The following GON4L variants were observed in gnomAD, a reference collection of about 807,000 sequenced individuals.
GON4L encodes GON-4-like protein.
Under a neutral mutation model 211.8 loss-of-function variants are expected in GON4L, and 87 were observed. That is an observed-to-expected ratio of 0.41 (90% CI 0.35 to 0.49). GON4L has a LOEUF of 0.49. GON4L is among the 20% of genes least tolerant of loss of function. The probability of loss-of-function intolerance (pLI) is 0.15; values close to 1 mark genes in which losing one functional copy is unlikely to be tolerated. For synonymous variants in GON4L, 875 were observed against 962.6 expected (o/e 0.91, Z 1.68); for missense variants, 2,155 against 2,659.5 (o/e 0.81, Z 4.17).
At chr1:155,828,807 C>CA (rs34551835) in intron 2 of GON4L, among the ~76,000 whole-genome samples, 27,059 of 72,366 alleles carry the variant, frequency 0.37, 4,484 homozygotes, top group East Asian at 0.67. Context: ...GACTCTGTCT[C>CA]AAAAAAAAAA....
At chr1:155,790,319 C>T (rs964508735) in intron 12 of GON4L, among the ~76,000 whole-genome samples, 7 of 151,700 alleles carry the variant, frequency 4.6e-5, no homozygotes, top group African/African-American at 1.5e-4. Flanking sequence ...AGGCTGGTCT[C>T]GAACTCCTGA....
At chr1:155,753,996 T>G in intron 28 of GON4L, 1 of 341,806 alleles carries the variant, frequency 2.9e-6, no homozygotes. Flanking sequence ...CCGAATAGAG[T>G]ATTGGATTCC....
At chr1:155,757,406 G>T in intron 25 of GON4L, 83 bp from the exon 26 acceptor site, 1 of 1,231,462 alleles carries the variant, frequency 8.1e-7, no homozygotes, top group Non-Finnish European at 1.2e-6. Flanking sequence ...ATACTTCCAT[G>T]TTCTGCTTTC....
rs746813428 is a variant in GON4L at position 155,765,649 on chromosome 1, T to A, written c.3824A>T (p.Asp1275Val). The change falls in exon 21 of 32, where the codon GAT becomes GTT. Residue 1275 changes from aspartate to valine, a missense_variant. Physicochemically the swap from Asp to Val is radical, Grantham distance 152. Around this residue, in one of 6 missense-constraint regions of GON4L, gnomAD observed 615 missense variants for 625.7 expected, o/e 0.98. Transcript: ENST00000368331. ...TGACAATCCTTCTTGGCACTCTGCA[T>A]CTGCTAGTGGAGGCCCTGGGCTATG... ...VEHSPGPPLA[D>V]AECQEGLSEN... 3.7e-6 allele frequency: 6 copies of A among 1,614,106 alleles called. No individual in the cohort carries two copies. In the African/African-American group the frequency reaches 5.3e-5, roughly 14 times the overall value.
At chr1:155,845,237 G>A (rs887995073) in intron 2 of GON4L, 6 of 170,052 alleles carry the variant, frequency 3.5e-5, no homozygotes, top group African/African-American at 1.4e-4. Flanking sequence ...GCCAAAACCA[G>A]TTACAACCAA....
chr1:155,746,547 C>A, downstream of GON4L: 1 of 436,828 alleles, frequency 2.3e-6, no homozygotes, highest in Non-Finnish European at 3.9e-6. Context: ...GTCAGGTGAT[C>A]AGAGGAAGGT....
chr1:155,813,638 A>G lies in GON4L; in HGVS notation c.1448T>C (p.Phe483Ser). Reference sequence around the variant, plus strand: ...AAGTACAGTTTTAATATTTACCTGGAAAGAATCCATGCAGACTGGACTGGA... The same window carrying G: ...AAGTACAGTTTTAATATTTACCTGGGAAGAATCCATGCAGACTGGACTGGA... ...LASSPVCMDS[F>S]QPMDDSLIAF... Residue 483 changes from phenylalanine (F) to serine (S), a missense_variant, in exon 10 of 32, where the codon TTC (phenylalanine) becomes TCC (serine). Phe to Ser is a radical substitution (Grantham distance 155). Transcript: ENST00000368331. 1.2e-6 allele frequency: 2 copies of G among 1,609,460 alleles called. No homozygotes were observed. Among genetic ancestry groups the G allele is most frequent in the Non-Finnish European group, 1.7e-6 (2 of 1,175,700 alleles).
intron 2 of GON4L, among the ~76,000 whole-genome samples, chr1:155,833,301 T>C (rs1669966772): frequency 1.3e-5 from 2 of 152,014 alleles, no homozygotes; most frequent in Non-Finnish European, 2.9e-5. Context: ...TGAAAAAATA[T>C]GCAATAATCT....
chr1:155,813,607 T>C (rs752154002), intron 10 of GON4L, 27 bp downstream of exon 10: 3 of 1,554,184 alleles, frequency 1.9e-6, no homozygotes, highest in South Asian at 2.2e-5. Flanking sequence ...CTTGACTTTC[T>C]CAGTTAAGTA....
At chr1:155,771,283 T>C in intron 18 of GON4L, 66 bp from the exon 19 acceptor site, 1 of 1,599,120 alleles carries the variant, frequency 6.3e-7, no homozygotes, top group Non-Finnish European at 8.6e-7. Flanking sequence ...CTCCCCAGAC[T>C]AACACATTTT....
intron 3 of GON4L, among the ~76,000 whole-genome samples, chr1:155,825,420 A>G (rs976204860): frequency 6.6e-6 from 1 of 151,028 alleles, no homozygotes; most frequent in Non-Finnish European, 1.5e-5. Flanking sequence ...TAAAAATAAA[A>G]AAACTAGCCC....
chr1:155,805,221 C>CT, intron 10 of GON4L, 80 bp from the exon 11 acceptor site: 1 of 938,462 alleles, frequency 1.1e-6, no homozygotes, highest in Non-Finnish European at 1.8e-6. Context: ...CTCATCTTAG[C>CT]TTAAGTAACA....
intron 2 of GON4L, among the ~76,000 whole-genome samples, chr1:155,844,214 G>A (rs1275996419): frequency 1.3e-5 from 2 of 152,204 alleles, no homozygotes; most frequent in South Asian, 2.1e-4. Flanking sequence ...ACCAACACTA[G>A]TCAGACATTA....
rs746795684 is a variant in GON4L, at chr1:155,757,246, C to T, written c.5331G>A (p.Leu1777=). 1.2e-6 allele frequency: 2 copies of T among 1,613,912 alleles called. No homozygotes were observed. The highest frequency in any genetic ancestry group is 1.7e-6 in the Non-Finnish European group (2 of 1,179,872). Residue 1777 remains leucine (L), a synonymous_variant, in exon 26 of 32, where the codon TTG becomes TTA. Transcript: ENST00000368331. ...CACCCATCCGGCTAGCTGCTGGGCGCAAGTGGTCAAAGAAGATAGAAAACT... is the reference window on the plus strand; with the variant it reads ...CACCCATCCGGCTAGCTGCTGGGCGTAAGTGGTCAAAGAAGATAGAAAACT... The part of the protein sequence containing the change: ...QDEFSIFFDH[L]RPAASRMGDF...
Position 155,760,477 on chromosome 1 carries a change from G to A in GON4L, c.5076C>T (p.Phe1692=). The A allele has an allele frequency of 1.9e-6, 3 of 1,612,238 alleles. No individual in the cohort carries two copies. Among genetic ancestry groups the A allele is most frequent in the Non-Finnish European group, 2.5e-6 (3 of 1,178,488 alleles). Residue 1692 remains phenylalanine (F), a synonymous_variant, in exon 24 of 32, where the codon TTC becomes TTT. Transcript: ENST00000368331. ...WPQLLKDFAA[F]LLPEQALACG... is the part of the protein sequence containing the mutation. ...AGGCCAGAGCTTGCTCAGGTAACAGGAAAGCAGCAAAGTCTTTCAACAGCT... is the reference window on the plus strand; with the variant it reads ...AGGCCAGAGCTTGCTCAGGTAACAGAAAAGCAGCAAAGTCTTTCAACAGCT...
At position 155,754,403 on chromosome 1, in the gene GON4L, CT is replaced by C; in HGVS notation, c.5602del (p.Arg1868GlyfsTer49). The C allele has an allele frequency of 1.2e-6, 2 of 1,612,662 alleles. No homozygotes were observed. Among genetic ancestry groups the C allele is most frequent in the Admixed American group, 1.7e-5 (1 of 59,990 alleles). On this transcript the variant is annotated frameshift_variant, in exon 28 of 32. Coordinates refer to ENST00000368331, the MANE Select transcript of GON4L (RefSeq NM_001282860.2). LOFTEE classifies it high-confidence loss of function. ...GCTGCTACAGTGGCTACAGCTCCGC[CT>C]TTTGCTCTTCTTCAGCTTGGAATCT... Reference protein sequence around the residue: ...GPDSKLKKSKRRSCSHCSSKV... With the variant: ...GPDSKLKKSKXRSCSHCSSKV...
intron 12 of GON4L, among the ~76,000 whole-genome samples, chr1:155,789,192 C>A (rs1161131212): frequency 6.6e-6 from 1 of 151,952 alleles, no homozygotes; most frequent in African/African-American, 2.4e-5. Flanking sequence ...GATTCTATAT[C>A]CTGACAGGGA....
chr1:155,822,253 T>C, intron 4 of GON4L, 33 bp downstream of exon 4: 1 of 1,550,690 alleles, frequency 6.4e-7, no homozygotes, highest in Non-Finnish European at 8.9e-7. Flanking sequence ...AAAAGTTCCC[T>C]TCCATTTACA....
At chr1:155,835,464 A>T (rs963889903) in intron 2 of GON4L, among the ~76,000 whole-genome samples, 4 of 123,178 alleles carry the variant, frequency 3.2e-5, no homozygotes, top group Non-Finnish European at 5.1e-5. Flanking sequence ...ATGATCAATT[A>T]AAAAAAAAAA....
Sources: allele counts gnomAD v4.1 joint callset (sites outside exome capture counted in the v4.1 genomes callset), GRCh38; gene constraint gnomAD v4.1.1; regional missense constraint gnomAD v4.1.1; transcripts MANE v1.5; gene names NCBI Gene and HGNC (gene_info 2026-07-23, HGNC 2026-07-21).